ALS2: variants seen among roughly 807,000 people sequenced by gnomAD.
The protein encoded by ALS2 is alsin Rho guanine nucleotide exchange factor ALS2.
ALS2 carries 117 observed loss-of-function variants against 203.4 expected under a neutral mutation model. The ratio of observed to expected loss-of-function variants is 0.58; its 90% CI spans 0.50 to 0.67. The LOEUF is 0.67. Among genes scored for constraint, ALS2 ranks in the 30% least tolerant of loss-of-function variants. ALS2 has a pLI of 0.00. For synonymous variants in ALS2, 718 were observed against 725.9 expected (o/e 0.99, Z 0.17); for missense variants, 1,715 against 1,989.4 (o/e 0.86, Z 2.62).
intron 14 of ALS2, 140 bp downstream of exon 14, chr2:201,728,912 T>G: frequency 7.5e-7 from 1 of 1,331,822 alleles, no homozygotes; most frequent in South Asian, 1.2e-5. Context: ...TACCCATTAG[T>G]ATGGTCCTTA....
chr2:201,706,045 CAT>C (rs1689694469), intron 29 of ALS2, among the ~76,000 whole-genome samples: 2 of 151,822 alleles, frequency 1.3e-5, no homozygotes, highest in Admixed American at 1.3e-4. Flanking sequence ...AGAAAGAAAA[CAT>C]AATAATTTAG....
intron 11 of ALS2, among the ~76,000 whole-genome samples, chr2:201,740,185 G>A (rs1559063328): frequency 6.6e-6 from 1 of 152,100 alleles, no homozygotes; most frequent in Non-Finnish European, 1.5e-5. Flanking sequence ...AAATTAGCTG[G>A]ATGTGCTGGC....
At chr2:201,769,120 C>T (rs1694249445) in intron 1 of ALS2, among the ~76,000 whole-genome samples, 175 bp from the exon 2 acceptor site, 1 of 152,106 alleles carries the variant, frequency 6.6e-6, no homozygotes, top group Admixed American at 6.5e-5. Context: ...GCTGAGCCTG[C>T]CCACTAAGCT....
At position 201,743,973 on chromosome 2, in the gene ALS2, T is replaced by G. The variant is rs536049203; in HGVS notation, c.2170+285A>C. 2.0e-5 allele frequency among the ~76,000 whole-genome samples: 3 copies of G among 152,314 alleles called. No individual in the cohort carries two copies. In the South Asian group the frequency reaches 6.2e-4, roughly 32 times the overall value. Reference sequence around the variant, plus strand: ...GTCTAACTTTATGTAGGGTCAACTTTCCCAAAGTTGTTTTTGTTCCTCTGC... The same window carrying G: ...GTCTAACTTTATGTAGGGTCAACTTGCCCAAAGTTGTTTTTGTTCCTCTGC... On this transcript the variant is annotated intron_variant, in intron 10 of 33. Coordinates refer to ENST00000264276, the MANE Select transcript of ALS2 (RefSeq NM_020919.4).
At chr2:201,729,267 C>T (rs2106013270) in intron 13 of ALS2, 84 bp from the exon 14 acceptor site, 1 of 1,458,288 alleles carries the variant, frequency 6.9e-7, no homozygotes, top group South Asian at 1.2e-5. Context: ...CTGCCTTAGA[C>T]ATATAGTATT....
At chr2:201,731,027 A>G (rs184911448) in intron 13 of ALS2, among the ~76,000 whole-genome samples, 1 of 152,308 alleles carries the variant, frequency 6.6e-6, no homozygotes, top group African/African-American at 2.4e-5. Context: ...GGGTCTGCAA[A>G]CCAAGTTTTG....
intron 24 of ALS2, among the ~76,000 whole-genome samples, chr2:201,716,415 A>G (rs1477663944): frequency 2.6e-5 from 4 of 152,142 alleles, no homozygotes; most frequent in African/African-American, 7.2e-5. Context: ...ATGGTGGCAC[A>G]TGCCTGTAAT....
chr2:201,728,574 G>A lies in ALS2; in HGVS notation c.2779C>T (p.His927Tyr). Residue 927 changes from histidine (H) to tyrosine (Y), a missense_variant, in exon 15 of 34, where the codon CAT becomes TAT. By Grantham distance (83) the His-to-Tyr change is moderately conservative. Transcript: ENST00000264276. ...CAATTCACGGAAAACCTCCCAGCAT[G>A]CTGCAGAGACAGGGCTCGGTTACTA... ...ESSNRALSLQ[H>Y]AGRFSVNWFI... is the part of the protein sequence containing the mutation. 6.2e-7 allele frequency: 1 copy of A among 1,614,098 alleles called. No homozygotes were observed. Among genetic ancestry groups the A allele is most frequent in the Non-Finnish European group, 8.5e-7 (1 of 1,179,998 alleles).
intron 3 of ALS2, among the ~76,000 whole-genome samples, chr2:201,764,683 A>AAATAAATAAATG (rs966398467): frequency 2.7e-5 from 4 of 148,570 alleles, no homozygotes; most frequent in African/African-American, 1.0e-4. Flanking sequence ...ATAAATAAAT[A>AAATAAATAAATG]AAAGTGAATC....
At position 201,754,516 on chromosome 2, in the gene ALS2, C is replaced by G; in HGVS notation, c.1627G>C (p.Asp543His). The G allele has an allele frequency of 6.2e-7, 1 of 1,614,056 alleles. No homozygotes were observed. The highest frequency in any genetic ancestry group is 8.5e-7 in the Non-Finnish European group (1 of 1,179,976). Residue 543 changes from aspartate to histidine, a missense_variant, in exon 6 of 34, where the codon GAT becomes CAT. Physicochemically the swap from Asp to His is moderately conservative, Grantham distance 81. This residue lies in a region of ALS2 where 1,227 missense variants were observed against 1,413.5 expected (regional missense o/e 0.87). Coordinates refer to ENST00000264276, the MANE Select transcript of ALS2 (RefSeq NM_020919.4). ...GGTAGCGCTTACCTAGGCAGAACAT[C>G]GCCGTGCCCCAGCTGCCCTTCCTTC... is the stretch of plus-strand genomic sequence containing the variant. ...KGKEGQLGHG[D>H]VLPRLQPLCV...
At chr2:201,772,359 C>T (rs141701776) in intron 1 of ALS2, among the ~76,000 whole-genome samples, 32 of 152,316 alleles carry the variant, frequency 2.1e-4, no homozygotes, top group African/African-American at 5.1e-4. Flanking sequence ...TACAGGTCTA[C>T]AATACCTTAA....
intron 3 of ALS2, among the ~76,000 whole-genome samples, chr2:201,763,984 T>C (rs1307870115): frequency 6.6e-6 from 1 of 152,210 alleles, no homozygotes; most frequent in Non-Finnish European, 1.5e-5. Flanking sequence ...GCAATTGAGT[T>C]GATGATGAAA....
chr2:201,776,657 C>A (rs1694675892), intron 1 of ALS2, among the ~76,000 whole-genome samples: 1 of 151,988 alleles, frequency 6.6e-6, no homozygotes, highest in Admixed American at 6.6e-5. Context: ...TTAAAATGGC[C>A]ACAATTTTTT....
intron 3 of ALS2, chr2:201,765,411 A>G (rs1221310307): frequency 6.0e-6 from 1 of 165,760 alleles, no homozygotes; most frequent in African/African-American, 2.4e-5. Context: ...TGAGAACTAT[A>G]TATTTTAAAT....
rs768072113 is a variant in ALS2 at position 201,701,857 on chromosome 2, A to T, written c.4968T>A (p.Leu1656=). The change falls in exon 34 of 34, where the codon CTT becomes CTA. Residue 1656 remains leucine, a synonymous_variant. Coordinates refer to ENST00000264276, the MANE Select transcript of ALS2 (RefSeq NM_020919.4). ...TTTCAAGCTGTTATGCAGCCTAGTT[A>T]AGCTTCTCACGCTGAATCTGGTAGT... ...ACYYQIQREK[L]N is the part of the protein sequence containing the mutation. 1.4e-5 allele frequency: 23 copies of T among 1,613,596 alleles called. No individual in the cohort carries two copies.
intron 3 of ALS2, among the ~76,000 whole-genome samples, chr2:201,766,518 G>A (rs1226383711): frequency 6.6e-6 from 1 of 151,576 alleles, no homozygotes; most frequent in African/African-American, 2.4e-5. Flanking sequence ...GCATGGTGGT[G>A]AGCACCTGTA....
Position 201,715,719 on chromosome 2 carries a change from G to C in ALS2, c.3957C>G (p.Asp1319Glu), listed in dbSNP as rs751579224. 4 of 1,614,196 alleles carry C rather than the reference G, an allele frequency of 2.5e-6. No homozygotes were observed. The South Asian group carries it at 4.4e-5, about 18-fold the overall frequency. ...TGGTGGTCAAGGCCACAGCAATATT[G>C]TCCCATGCTTTCCAAACTTCCCCTT... is the stretch of plus-strand genomic sequence containing the variant. ...PGQGEVWKAW[D>E]NIAVALTTSR... The change falls in exon 25 of 34, where the codon GAC becomes GAG. Residue 1319 changes from aspartate (D) to glutamate (E), a missense_variant. Physicochemically the swap from Asp to Glu is conservative, Grantham distance 45 (BLOSUM62 2). Around this residue, in one of 3 missense-constraint regions of ALS2, gnomAD observed 1,227 missense variants for 1,413.5 expected, o/e 0.87. Coordinates refer to ENST00000264276, the MANE Select transcript of ALS2 (RefSeq NM_020919.4).
chr2:201,780,193 T>C (rs1694833394), intron 1 of ALS2: 1 of 152,348 alleles, frequency 6.6e-6, no homozygotes, highest in East Asian at 1.9e-4. Flanking sequence ...AGTCTACTGT[T>C]GCCTGTCTCC....
chr2:201,748,888 T>C (rs964942193), intron 8 of ALS2, among the ~76,000 whole-genome samples: 2 of 152,246 alleles, frequency 1.3e-5, no homozygotes, highest in African/African-American at 4.8e-5. Flanking sequence ...AACTGTCACA[T>C]TCAAATCATA....
Sources: gnomAD v4.1 joint callset for allele counts (sites outside exome capture counted in the v4.1 genomes callset) on GRCh38, gnomAD v4.1.1 for gene constraint, gnomAD v4.1.1 regional missense constraint, MANE v1.5 for transcripts, NCBI Gene and HGNC (gene_info 2026-07-23, HGNC 2026-07-21) for gene names.